STRN3: variants seen among roughly 807,000 people sequenced by gnomAD.
STRN3 encodes the protein striatin 3.
In STRN3, 29 loss-of-function variants were observed where a neutral mutation model predicts 95.6. The ratio of observed to expected loss-of-function variants is 0.30; its 90% CI spans 0.23 to 0.41. The LOEUF (loss-of-function observed/expected upper bound fraction) is 0.41. Ranked by LOEUF, STRN3 falls within the 10% of genes least tolerant of loss-of-function variation. STRN3 has a pLI of 1.00. For missense variants in STRN3, 890 were observed against 972.1 expected, an observed-to-expected ratio of 0.92 and a Z score of 1.12; for synonymous variants, 331 against 357.6, an observed-to-expected ratio of 0.93 and a Z score of 0.84.
chr14:30,943,879 G>A (rs1286371901), intron 5 of STRN3, among the ~76,000 whole-genome samples: 2 of 152,034 alleles, frequency 1.3e-5, no homozygotes, highest in African/African-American at 4.8e-5. Context: ...GCCGGAGGGA[G>A]GAGGAAATGG....
At chr14:30,915,115 T>C (rs1896704835) in intron 9 of STRN3, among the ~76,000 whole-genome samples, 1 of 152,056 alleles carries the variant, frequency 6.6e-6, no homozygotes, top group African/African-American at 2.4e-5. Flanking sequence ...TGAGCAAATT[T>C]AAAAGGGACA....
At chr14:30,936,252 G>A (rs776585218) in intron 6 of STRN3, among the ~76,000 whole-genome samples, 1 of 152,098 alleles carries the variant, frequency 6.6e-6, no homozygotes, top group Non-Finnish European at 1.5e-5. Flanking sequence ...GCTTTAAAAA[G>A]GTTTCAAAAT....
At chr14:30,945,899 T>C (rs540196711) in intron 5 of STRN3, among the ~76,000 whole-genome samples, 108 of 152,288 alleles carry the variant, frequency 7.1e-4, no homozygotes, top group African/African-American at 2.4e-3. Context: ...TTAGGGGTGA[T>C]GAAAATGTTC....
At chr14:30,937,155 A>G (rs1462943231) in intron 5 of STRN3, among the ~76,000 whole-genome samples, 1 of 150,646 alleles carries the variant, frequency 6.6e-6, no homozygotes, top group Non-Finnish European at 1.5e-5. Flanking sequence ...CCCATCTTCA[A>G]AAAAAAAAAT....
intron 1 of STRN3, among the ~76,000 whole-genome samples, chr14:30,972,941 G>A (rs1454155548): frequency 6.6e-6 from 1 of 152,206 alleles, no homozygotes; most frequent in Non-Finnish European, 1.5e-5. Flanking sequence ...CCGGGTGCGG[G>A]CTCACGCCTG....
chr14:30,936,817 G>C (rs961124115), intron 5 of STRN3, among the ~76,000 whole-genome samples, 193 bp from the exon 6 acceptor site: 21 of 152,144 alleles, frequency 1.4e-4, no homozygotes, highest in Admixed American at 1.0e-3. Flanking sequence ...ATTATTCTCT[G>C]CTGACTTTCT....
Position 30,895,487 on chromosome 14 carries a change from T to C in STRN3, c.2318A>G (p.Tyr773Cys), listed in dbSNP as rs1209641270. The change falls in exon 18 of 18, where the codon TAT becomes TGT. Residue 773 changes from tyrosine to cysteine, a missense_variant. By Grantham distance (194) the Tyr-to-Cys change is radical. Transcript: ENST00000357479. ...AHRKKLDESI[Y>C]DVAFHSSKAY... Reference sequence around the variant, plus strand: ...TTTTGACGAGTGGAAAGCAACATCATAAATTGATTCATCCAATTTCTTTCT... The same window carrying C: ...TTTTGACGAGTGGAAAGCAACATCACAAATTGATTCATCCAATTTCTTTCT... 5.6e-6 allele frequency: 9 copies of C among 1,614,042 alleles called. No individual in the cohort carries two copies. Among genetic ancestry groups the C allele is most frequent in the Non-Finnish European group, 7.6e-6 (9 of 1,180,026 alleles).
intron 1 of STRN3, among the ~76,000 whole-genome samples, chr14:30,963,440 A>G (rs1880313277): frequency 6.6e-6 from 1 of 152,204 alleles, no homozygotes; most frequent in Non-Finnish European, 1.5e-5. Context: ...ACAGGGTCTC[A>G]TTCTATCACC....
At chr14:30,903,374 C>T (rs752484345) in intron 15 of STRN3, among the ~76,000 whole-genome samples, 77 of 152,066 alleles carry the variant, frequency 5.1e-4, no homozygotes, top group Non-Finnish European at 2.5e-4. Context: ...GACCATGGCA[C>T]CATGTAAATA....
intron 4 of STRN3, among the ~76,000 whole-genome samples, 163 bp from the exon 5 acceptor site, chr14:30,947,426 C>T (rs1009928321): frequency 2.6e-5 from 4 of 152,056 alleles, no homozygotes; most frequent in Non-Finnish European, 4.4e-5. Flanking sequence ...GAGAACAATA[C>T]CAAATACAAA....
At chr14:30,922,541 T>C (rs1896911720) in intron 8 of STRN3, among the ~76,000 whole-genome samples, 1 of 152,208 alleles carries the variant, frequency 6.6e-6, no homozygotes, top group African/African-American at 2.4e-5. Flanking sequence ...CCTATATAAC[T>C]GTAAGTAAAA....
At chr14:30,921,163 A>G (rs1178902281) in intron 8 of STRN3, among the ~76,000 whole-genome samples, 1 of 151,414 alleles carries the variant, frequency 6.6e-6, no homozygotes, top group Non-Finnish European at 1.5e-5. Flanking sequence ...ATTCCTCCAC[A>G]CCAGTTCCAT....
In STRN3 at chr14:31,025,952, C is replaced by G; in HGVS notation, c.234G>C (p.Arg78=). The change falls in exon 1 of 18, where the codon CGG becomes CGC. Residue 78 remains arginine, a synonymous_variant. Transcript: ENST00000357479. ...CCCAGTGCGCCCGCTCCATCTCGAA[C>G]CGAGCCCACTCGTGCTGGATGTAGT... ...ILHYIQHEWA[R]FEMERAHWEV... 1 of 1,596,374 alleles carries G rather than the reference C, an allele frequency of 6.3e-7. No individual in the cohort carries two copies. The highest frequency in any genetic ancestry group is 1.1e-5 in the South Asian group (1 of 88,604).
intron 16 of STRN3, among the ~76,000 whole-genome samples, chr14:30,897,316 G>T (rs1162783090): frequency 1.3e-5 from 2 of 152,200 alleles, no homozygotes; most frequent in African/African-American, 4.8e-5. Context: ...CAGCTGTGGG[G>T]GATCATGCCT....
At chr14:30,948,038 G>A (rs1232059320) in intron 4 of STRN3, among the ~76,000 whole-genome samples, 3 of 151,208 alleles carry the variant, frequency 2.0e-5, no homozygotes, top group Non-Finnish European at 3.0e-5. Context: ...CTAGCAAGAA[G>A]TAAAAATGGA....
intron 1 of STRN3, among the ~76,000 whole-genome samples, chr14:30,994,124 C>T (rs1464742438): frequency 1.3e-5 from 2 of 152,064 alleles, no homozygotes; most frequent in East Asian, 3.9e-4. Context: ...GATCCGCCCG[C>T]CTCGGCCTCC....
rs1202573744 is a variant in STRN3, at chr14:30,919,025, TTAA to T, written c.1178_1180del (p.Ile393del). 1 of 1,612,524 alleles carries T rather than the reference TTAA, an allele frequency of 6.2e-7. No individual in the cohort carries two copies. The highest frequency in any genetic ancestry group is 8.5e-7 in the Non-Finnish European group (1 of 1,179,054). Reference sequence around the variant, plus strand: ...TCTAGTAGAGGCTGACCTAGACTGATTAATGATTCCTGAAGGGATGTGGGGCAG... The same window carrying T: ...TCTAGTAGAGGCTGACCTAGACTGATTGATTCCTGAAGGGATGTGGGGCAG... On this transcript the variant is annotated inframe_deletion, in exon 9 of 18. Coordinates refer to ENST00000357479, the MANE Select transcript of STRN3 (RefSeq NM_001083893.2).
At chr14:30,929,968 A>AAAAAAAAAAAAC (rs1566441473) in intron 7 of STRN3, among the ~76,000 whole-genome samples, 21 of 121,930 alleles carry the variant, frequency 1.7e-4, no homozygotes, top group Admixed American at 4.4e-4. Flanking sequence ...AAAAAAAAAA[A>AAAAAAAAAAAAC]AAAAAAAAAA....
At chr14:30,925,804 G>C (rs1897013144) in intron 8 of STRN3, among the ~76,000 whole-genome samples, 1 of 151,994 alleles carries the variant, frequency 6.6e-6, no homozygotes, top group Non-Finnish European at 1.5e-5. Flanking sequence ...ATAATTATGT[G>C]TCATTTATAA....
Sources: gnomAD v4.1 joint callset for allele counts (sites outside exome capture counted in the v4.1 genomes callset) on GRCh38, gnomAD v4.1.1 for gene constraint, MANE v1.5 for transcripts, NCBI Gene and HGNC (gene_info 2026-07-23, HGNC 2026-07-21) for gene names.